Variants in HMGCS2 observed in about 807,000 individuals in gnomAD.
HMGCS2 encodes the protein hydroxymethylglutaryl-CoA synthase, mitochondrial.
A neutral mutation model predicts 57.4 loss-of-function variants in HMGCS2; 50 were observed. The ratio of observed to expected loss-of-function variants is 0.87; its 90% CI spans 0.69 to 1.10. The LOEUF (loss-of-function observed/expected upper bound fraction) is 1.10, where lower values mean the gene tolerates loss of function less well. Ranked by LOEUF, HMGCS2 falls within the 50% of genes least tolerant of loss-of-function variation. The pLI is 0.00. For synonymous variants in HMGCS2, 254 were observed against 245.1 expected (o/e 1.04, Z -0.34); for missense variants, 627 against 636.5 (o/e 0.99, Z 0.16).
intron 5 of HMGCS2, among the ~76,000 whole-genome samples, chr1:119,756,112 C>T (rs1652831409): frequency 6.6e-6 from 1 of 152,132 alleles, no homozygotes; most frequent in Non-Finnish European, 1.5e-5. Flanking sequence ...GCTTCATGCT[C>T]TCCTGTTACT....
At position 119,752,636 on chromosome 1, in the gene HMGCS2, G is replaced by C. The variant is rs754122611; in HGVS notation, c.1333C>G (p.Leu445Val). 1 of 1,614,100 alleles carries C rather than the reference G, an allele frequency of 6.2e-7. No homozygotes were observed. Among genetic ancestry groups the C allele is most frequent in the Non-Finnish European group, 8.5e-7 (1 of 1,179,996 alleles). ...LDKLVSSTSD[L>V]PKRLASRKCV... ...TTTCGGGAGGCTAGGCGTTTTGGCA[G>C]GTCTGATGTGCTGGACACCAACTTG... The change falls in exon 8 of 10, where the codon CTG (leucine) becomes GTG (valine). Residue 445 changes from leucine to valine, a missense_variant. Leu to Val is a conservative substitution (Grantham distance 32, BLOSUM62 1). Transcript: ENST00000369406.
At chr1:119,755,306 C>T in intron 6 of HMGCS2, 121 bp downstream of exon 6, 1 of 978,236 alleles carries the variant, frequency 1.0e-6, no homozygotes, top group East Asian at 2.4e-5. Flanking sequence ...CTACACCAGG[C>T]CCCTTCCTTT....
intron 8 of HMGCS2, among the ~76,000 whole-genome samples, chr1:119,751,930 C>A: frequency 6.6e-6 from 1 of 152,200 alleles, no homozygotes; most frequent in East Asian, 1.9e-4. Context: ...GGTTTTAAAA[C>A]CACCAACTAA....
chr1:119,753,256 G>T lies in HMGCS2; in HGVS notation c.1294+24C>A, dbSNP rs377290393. 2.4e-5 allele frequency: 33 copies of T among 1,379,176 alleles called. No homozygotes were observed. The African/African-American group carries it at 3.8e-4, about 16-fold the overall frequency. The allele number at this position is 1,379,176 out of a possible 1,614,324, so 85.4% of individuals were successfully genotyped here. A position where few individuals can be genotyped will look rare whatever the true frequency, so the allele number is the denominator to read the frequency against. On this transcript the variant is annotated intron_variant, in intron 7 of 9. Transcript: ENST00000369406. ...CTACCAGATGAATCTTGTCAGGAAG[G>T]CCTACTAGAAAGATGACACTCACCT...
intron 7 of HMGCS2, among the ~76,000 whole-genome samples, 179 bp downstream of exon 7, chr1:119,753,101 G>A (rs1468002359): frequency 6.6e-6 from 1 of 152,064 alleles, no homozygotes; most frequent in East Asian, 1.9e-4. Flanking sequence ...CCAAATAAGT[G>A]CTTTAAACAC....
rs1653158226 is a variant in HMGCS2 at position 119,764,614 on chromosome 1, G to A, written c.117C>T (p.Ala39=). The A allele has an allele frequency of 1.9e-6, 3 of 1,613,136 alleles. No individual in the cohort carries two copies. The highest frequency in any genetic ancestry group is 2.5e-6 in the Non-Finnish European group (3 of 1,179,520). The change falls in exon 2 of 10, where the codon GCC becomes GCT. Residue 39 remains alanine, a synonymous_variant. Transcript: ENST00000369406. ...CTGTTTTGGCCAGGGGGACAGCAGA[G>A]GCTGTAGAAAACCTGTGATGGAGAT... ...LPVAHQRFST[A]SAVPLAKTDT...
chr1:119,756,330 C>T (rs1031232534), intron 5 of HMGCS2, among the ~76,000 whole-genome samples: 9 of 151,930 alleles, frequency 5.9e-5, no homozygotes, highest in African/African-American at 2.2e-4. Context: ...GCTCATTTTT[C>T]TATTAGGGTA....
chr1:119,759,481 C>G lies in HMGCS2; in HGVS notation c.686-199G>C, dbSNP rs1018538708. The G allele has an allele frequency of 3.5e-5, 22 of 637,398 alleles. 1 individual carries two copies. The Admixed American group carries it at 3.7e-4, about 11-fold the overall frequency. The allele number at this position is 637,398 out of a possible 1,614,324, so 39.5% of individuals were successfully genotyped here. A position where few individuals can be genotyped will look rare whatever the true frequency, so the allele number is the denominator to read the frequency against. The stretch of plus-strand genomic sequence containing the variant: ...TTACAAAAATGAGATGTATATTTCC[C>G]TTTCCTCACCTACATGGGCTTAACA... On this transcript the variant is annotated intron_variant, in intron 3 of 9. Coordinates refer to ENST00000369406, the MANE Select transcript of HMGCS2 (RefSeq NM_005518.4).
At chr1:119,766,801 G>A (rs1653246263) in intron 1 of HMGCS2, among the ~76,000 whole-genome samples, 1 of 152,054 alleles carries the variant, frequency 6.6e-6, no homozygotes, top group Admixed American at 6.5e-5. Context: ...GAATGGGTCA[G>A]TTGGTAACTT....
intron 5 of HMGCS2, 89 bp downstream of exon 5, chr1:119,757,184 G>C: frequency 6.2e-7 from 1 of 1,603,606 alleles, no homozygotes. Flanking sequence ...CCCCCACAGG[G>C]GTGCTGGTGG....
chr1:119,751,096 G>T lies in HMGCS2; in HGVS notation c.1421-188C>A, dbSNP rs144498789. Reference sequence around the variant, plus strand: ...ACAGAACAAGAGGGGCAGCCATCTTGAATCTAGCACTTAAGGCCTTAATAA... The same window carrying T: ...ACAGAACAAGAGGGGCAGCCATCTTTAATCTAGCACTTAAGGCCTTAATAA... On this transcript the variant is annotated intron_variant, in intron 8 of 9. Coordinates refer to ENST00000369406, the MANE Select transcript of HMGCS2 (RefSeq NM_005518.4). 9.7e-3 allele frequency among the ~76,000 whole-genome samples: 1,483 copies of T among 152,214 alleles called. 24 individuals carry two copies. Among genetic ancestry groups the T allele is most frequent in the African/African-American group, 0.034 (1,396 of 41,508 alleles).
chr1:119,767,919 T>C (rs1653290475), intron 1 of HMGCS2, among the ~76,000 whole-genome samples: 1 of 152,212 alleles, frequency 6.6e-6, no homozygotes, highest in East Asian at 1.9e-4. Flanking sequence ...AAGAAAGCTA[T>C]GTGCATTTGC....
intron 1 of HMGCS2, 40 bp downstream of exon 1, chr1:119,768,701 C>A: frequency 1.4e-6 from 2 of 1,437,558 alleles, no homozygotes; most frequent in Non-Finnish European, 2.0e-6. Flanking sequence ...GAAAAACTAT[C>A]TTTTACTAGT....
intron 2 of HMGCS2, among the ~76,000 whole-genome samples, chr1:119,761,279 C>T (rs377534261): frequency 4.0e-5 from 6 of 150,134 alleles, no homozygotes; most frequent in Admixed American, 6.6e-5. Flanking sequence ...AGCACACACA[C>T]GCACACATTT....
At chr1:119,754,418 C>T (rs1224923206) in intron 6 of HMGCS2, among the ~76,000 whole-genome samples, 1 of 152,106 alleles carries the variant, frequency 6.6e-6, no homozygotes, top group Non-Finnish European at 1.5e-5. Context: ...CAAGGCTGGT[C>T]TCAAACTCCT....
Position 119,764,289 on chromosome 1 carries a change from G to A in HMGCS2, c.442C>T (p.Leu148Phe), listed in dbSNP as rs890302302. Residue 148 changes from leucine to phenylalanine, a missense_variant, in exon 2 of 10, where the codon CTC becomes TTC. Physicochemically the swap from Leu to Phe is conservative, Grantham distance 22 (BLOSUM62 0). Coordinates refer to ENST00000369406, the MANE Select transcript of HMGCS2 (RefSeq NM_005518.4). The stretch of plus-strand genomic sequence containing the variant: ...TCAGTATTGCCTGAATCCTGGAAGA[G>A]TTCCATGAGCACTGTTTTGACAGCT... ...SKAVKTVLME[L>F]FQDSGNTDIE... 4 of 1,614,048 alleles carry A rather than the reference G, an allele frequency of 2.5e-6. No homozygotes were observed. The African/African-American group carries it at 4.0e-5, about 16-fold the overall frequency.
intron 6 of HMGCS2, 60 bp downstream of exon 6, chr1:119,755,367 C>A (rs1158801504): frequency 2.6e-6 from 4 of 1,535,470 alleles, no homozygotes; most frequent in Non-Finnish European, 2.7e-6. Context: ...GACCCTGCAG[C>A]CCACGGGGGC....
In HMGCS2 at chr1:119,767,427, C is replaced by A. The variant is rs182527373; in HGVS notation, c.104+1314G>T. 2.6e-3 allele frequency among the ~76,000 whole-genome samples: 393 copies of A among 152,238 alleles called. 1 individual carries two copies. Among genetic ancestry groups the A allele is most frequent in the Non-Finnish European group, 4.0e-3 (275 of 68,026 alleles). ...AGGGGGTGACTGAACAAGTAAGGAACCCTGGAGATGCAGGTGTATAGGGGA... is the reference window on the plus strand; with the variant it reads ...AGGGGGTGACTGAACAAGTAAGGAAACCTGGAGATGCAGGTGTATAGGGGA... On this transcript the variant is annotated intron_variant, in intron 1 of 9. Coordinates refer to ENST00000369406, the MANE Select transcript of HMGCS2 (RefSeq NM_005518.4).
At chr1:119,767,032 T>A (rs1254279024) in intron 1 of HMGCS2, among the ~76,000 whole-genome samples, 2 of 152,208 alleles carry the variant, frequency 1.3e-5, no homozygotes, top group Non-Finnish European at 2.9e-5. Flanking sequence ...ACTTCTGTAT[T>A]CCATCTTGCC....
Sources: gnomAD v4.1 joint callset for allele counts (sites outside exome capture counted in the v4.1 genomes callset) on GRCh38, gnomAD v4.1.1 for gene constraint, MANE v1.5 for transcripts, NCBI Gene and HGNC (gene_info 2026-07-23, HGNC 2026-07-21) for gene names.